The following VTI1A variants were observed in gnomAD, a reference collection of about 807,000 sequenced individuals.
VTI1A encodes the protein vesicle transport through interaction with t-SNAREs 1A.
Under a neutral mutation model 34.9 loss-of-function variants are expected in VTI1A, and 22 were observed. The ratio of observed to expected loss-of-function variants is 0.63; its 90% CI spans 0.45 to 0.90. The LOEUF (loss-of-function observed/expected upper bound fraction) is 0.90, where lower values mean the gene tolerates loss of function less well. Ranked by LOEUF, VTI1A falls within the 40% of genes least tolerant of loss-of-function variation. The probability of loss-of-function intolerance (pLI) is 0.00; values close to 1 mark genes in which losing one functional copy is unlikely to be tolerated. For missense variants in VTI1A, 268 were observed against 275.6 expected (o/e 0.97, Z 0.20); for synonymous variants, 87 against 97.3 (o/e 0.89, Z 0.62).
chr10:112,501,019 C>T (rs997744768), intron 3 of VTI1A, among the ~76,000 whole-genome samples: 1 of 152,118 alleles, frequency 6.6e-6, no homozygotes, highest in Non-Finnish European at 1.5e-5. Flanking sequence ...CAAAATAAAC[C>T]TCCATTTTCT....
chr10:112,710,175 AT>A (rs1397050912), intron 7 of VTI1A, among the ~76,000 whole-genome samples: 2 of 147,684 alleles, frequency 1.4e-5, no homozygotes, highest in Admixed American at 6.8e-5. Flanking sequence ...TAAACCTCTG[AT>A]TTGAATCCAT....
At chr10:112,749,426 A>G (rs1285359444) in intron 7 of VTI1A, among the ~76,000 whole-genome samples, 1 of 152,232 alleles carries the variant, frequency 6.6e-6, no homozygotes, top group Non-Finnish European at 1.5e-5. Context: ...CTAGTCTACA[A>G]TACATCTGAA....
intron 1 of VTI1A, among the ~76,000 whole-genome samples, chr10:112,455,689 T>TCCTC (rs1304267060): frequency 7.9e-6 from 1 of 126,692 alleles, no homozygotes; most frequent in Non-Finnish European, 1.6e-5. Flanking sequence ...CTTCCTTCCT[T>TCCTC]CCTCATACTT....
intron 5 of VTI1A, among the ~76,000 whole-genome samples, chr10:112,629,958 A>T (rs534140136): frequency 4.6e-5 from 7 of 152,134 alleles, no homozygotes; most frequent in East Asian, 1.9e-4. Context: ...TTCAGTATTT[A>T]AAAAAAATAT....
intron 7 of VTI1A, among the ~76,000 whole-genome samples, chr10:112,694,329 G>T (rs1316036140): frequency 6.6e-6 from 1 of 152,110 alleles, no homozygotes; most frequent in Non-Finnish European, 1.5e-5. Flanking sequence ...TACCTTGCTA[G>T]TTCCTGGAAC....
intron 3 of VTI1A, among the ~76,000 whole-genome samples, chr10:112,522,088 A>T (rs1333956473): frequency 6.6e-6 from 1 of 152,108 alleles, no homozygotes; most frequent in African/African-American, 2.4e-5. Flanking sequence ...GCCAGCAATT[A>T]TATGACTAAC....
intron 5 of VTI1A, among the ~76,000 whole-genome samples, chr10:112,654,760 C>A (rs1014643371): frequency 2.0e-5 from 3 of 152,152 alleles, no homozygotes; most frequent in African/African-American, 7.2e-5. Flanking sequence ...GGATTACAGG[C>A]GTGAGCCACC....
chr10:112,753,708 T>C (rs1287083777), intron 7 of VTI1A, among the ~76,000 whole-genome samples: 1 of 152,112 alleles, frequency 6.6e-6, no homozygotes, highest in Non-Finnish European at 1.5e-5. Flanking sequence ...CCACCCAGAG[T>C]TGAAGTCGCC....
At chr10:112,750,536 T>C (rs1293518134) in intron 7 of VTI1A, among the ~76,000 whole-genome samples, 1 of 152,172 alleles carries the variant, frequency 6.6e-6, no homozygotes, top group Non-Finnish European at 1.5e-5. Context: ...AATCTGTGTC[T>C]TGTGCAACAC....
chr10:112,534,403 G>A lies in VTI1A; in HGVS notation c.343-3843G>A, dbSNP rs144045957. ...CTATTAAGACATAATGGCCTATATT[G>A]CAATTTAAAAATTGTCTAATTGCTT... is the stretch of plus-strand genomic sequence containing the variant. On this transcript the variant is annotated intron_variant, in intron 4 of 7. Coordinates refer to ENST00000393077, the MANE Select transcript of VTI1A (RefSeq NM_145206.4). Among the ~76,000 whole-genome samples the A allele has an allele frequency of 4.1e-3, 619 of 152,022 alleles. 4 individuals carry two copies. The highest frequency in any genetic ancestry group is 0.014 in the African/African-American group (597 of 41,484).
At chr10:112,830,849 A>ATATATATATATATATATATATTTTTTTTT in the VTI1A span, among the ~76,000 whole-genome samples, 8 of 33,492 alleles carry the variant, frequency 2.4e-4, no homozygotes, top group Non-Finnish European at 3.0e-4. Flanking sequence ...ATATATATAT[A>ATATATATATATATATATATATTTTTTTTT]TTTTTTTTTT....
chr10:112,526,552 T>C (rs901601396), intron 3 of VTI1A, among the ~76,000 whole-genome samples: 1 of 152,166 alleles, frequency 6.6e-6, no homozygotes, highest in Non-Finnish European at 1.5e-5. Flanking sequence ...ATTCTCTCTC[T>C]TTCTGGTTAG....
At chr10:112,596,875 G>A (rs963867216) in intron 5 of VTI1A, among the ~76,000 whole-genome samples, 1 of 151,890 alleles carries the variant, frequency 6.6e-6, no homozygotes, top group Non-Finnish European at 1.5e-5. Context: ...TCAAGTTTGT[G>A]GTATACTTTT....
intron 7 of VTI1A, among the ~76,000 whole-genome samples, chr10:112,725,396 A>T (rs189174893): frequency 6.6e-6 from 1 of 152,318 alleles, no homozygotes; most frequent in Admixed American, 6.5e-5. Flanking sequence ...AAATGACTTA[A>T]TGAGATGCAA....
At chr10:112,678,643 G>T (rs182301593) in intron 7 of VTI1A, among the ~76,000 whole-genome samples, 1 of 152,090 alleles carries the variant, frequency 6.6e-6, no homozygotes, top group African/African-American at 2.4e-5. Flanking sequence ...TTGTTTGAAC[G>T]CTCACATTGT....
At chr10:112,756,868 A>G in intron 7 of VTI1A, among the ~76,000 whole-genome samples, 1 of 151,982 alleles carries the variant, frequency 6.6e-6, no homozygotes, top group East Asian at 1.9e-4. Context: ...GCAACATGGC[A>G]AAACCCTGTC....
intron 7 of VTI1A, among the ~76,000 whole-genome samples, chr10:112,768,100 C>T (rs973388008): frequency 2.0e-5 from 3 of 152,212 alleles, no homozygotes; most frequent in African/African-American, 4.8e-5. Context: ...ATTCCACTTC[C>T]GATTTTGACC....
chr10:112,785,565 T>A (rs955080572), intron 7 of VTI1A, among the ~76,000 whole-genome samples: 5 of 152,236 alleles, frequency 3.3e-5, no homozygotes, highest in Non-Finnish European at 5.9e-5. Context: ...GTGGTTTACC[T>A]AAAAATCTTT....
chr10:112,566,036 T>C (rs957600958), intron 5 of VTI1A, among the ~76,000 whole-genome samples: 13 of 152,010 alleles, frequency 8.6e-5, no homozygotes, highest in Non-Finnish European at 1.2e-4. Flanking sequence ...AAGATAAACA[T>C]TAAAACAACT....
Sources: allele counts gnomAD v4.1 joint callset (sites outside exome capture counted in the v4.1 genomes callset), GRCh38; gene constraint gnomAD v4.1.1; transcripts MANE v1.5; gene names NCBI Gene and HGNC (gene_info 2026-07-23, HGNC 2026-07-21).